The following ATP10A variants were observed in gnomAD, a reference collection of about 807,000 sequenced individuals.
ATP10A encodes ATPase phospholipid transporting 10A (putative).
ATP10A carries 111 observed loss-of-function variants against 147.8 expected under a neutral mutation model. The ratio of observed to expected loss-of-function variants is 0.75; its 90% CI spans 0.64 to 0.88. The LOEUF is 0.88. ATP10A is among the 40% of genes least tolerant of loss of function. The pLI, the probability that ATP10A is intolerant of heterozygous loss-of-function variation, is 0.00. For missense variants in ATP10A, 1,927 were observed against 1,959.0 expected (o/e 0.98, Z 0.31); for synonymous variants, 875 against 841.6 (o/e 1.04, Z -0.69).
downstream of ATP10A, among the ~76,000 whole-genome samples, chr15:25,675,870 C>T (rs931725480): frequency 3.4e-4 from 52 of 151,644 alleles, no homozygotes; most frequent in Non-Finnish European, 3.7e-4. Context: ...CCTGTGGGCC[C>T]GGGAGGTAGA....
In ATP10A at chr15:25,774,370, T is replaced by A. The variant is rs149151128; in HGVS notation, c.654+6649A>T. On this transcript the variant is annotated intron_variant, in intron 2 of 20. Transcript: ENST00000555815. ...TGAGTGGATCACCTGAGGTCCAGAG[T>A]TCAAGACCAGCCTGACCAAGACGGA... is the stretch of plus-strand genomic sequence containing the variant. 9.5e-4 allele frequency among the ~76,000 whole-genome samples: 144 copies of A among 151,968 alleles called. 1 individual carries two copies. Among genetic ancestry groups the A allele is most frequent in the African/African-American group, 3.3e-3 (136 of 41,450 alleles).
At position 25,730,544 on chromosome 15, in the gene ATP10A, C is replaced by T. The variant is rs186374173; in HGVS notation, c.741-3278G>A. Reference sequence around the variant, plus strand: ...ACTAATCTAGCATCTGCTCTGTCCCCGATGCGTCCCCTACACCCACCCACT... The same window carrying T: ...ACTAATCTAGCATCTGCTCTGTCCCTGATGCGTCCCCTACACCCACCCACT... On this transcript the variant is annotated intron_variant, in intron 3 of 20. Transcript: ENST00000555815. Among the ~76,000 whole-genome samples, 654 of 152,168 alleles carry T rather than the reference C, an allele frequency of 4.3e-3. 5 individuals are homozygous for T. The highest frequency in any genetic ancestry group is 0.02 in the Middle Eastern group (6 of 294).
intron 1 of ATP10A, among the ~76,000 whole-genome samples, chr15:25,841,320 C>T (rs1395372081): frequency 1.3e-5 from 2 of 150,522 alleles, no homozygotes; most frequent in East Asian, 1.9e-4. Context: ...GCTCCCACAC[C>T]GTTTATTGGA....
At chr15:25,817,107 G>C (rs1361226809) in intron 1 of ATP10A, among the ~76,000 whole-genome samples, 1 of 151,960 alleles carries the variant, frequency 6.6e-6, no homozygotes, top group Non-Finnish European at 1.5e-5. Flanking sequence ...TCTTGAGACA[G>C]AGTCTCGCTC....
chr15:25,726,138 C>A, intron 4 of ATP10A, 56 bp from the exon 5 acceptor site: 12 of 1,581,110 alleles, frequency 7.6e-6, no homozygotes, highest in Non-Finnish European at 9.5e-6. Flanking sequence ...AAGGGACCAG[C>A]TGCATGGATG....
chr15:25,778,786 C>T lies in ATP10A; in HGVS notation c.654+2233G>A, dbSNP rs542745731. 2.0e-5 allele frequency among the ~76,000 whole-genome samples: 3 copies of T among 152,206 alleles called. No homozygotes were observed. The South Asian group carries it at 6.2e-4, about 32-fold the overall frequency. ...AGCACCACCGAGCTATGAAGTGCTG[C>T]AGTTATTGTTTGGGTAAAAAGTGGG... On this transcript the variant is annotated intron_variant, in intron 2 of 20. Coordinates refer to ENST00000555815, the MANE Select transcript of ATP10A (RefSeq NM_024490.4).
chr15:25,754,544 C>G (rs1341317091), intron 2 of ATP10A, among the ~76,000 whole-genome samples: 3 of 152,130 alleles, frequency 2.0e-5, no homozygotes, highest in Admixed American at 2.0e-4. Context: ...CTTACACACA[C>G]ACGTAAGAGA....
chr15:25,680,977 C>T lies in ATP10A; in HGVS notation c.3573+17G>A, dbSNP rs1899376472. ...GATCCAGCTGGTAAGAAAAACTGCACCCAGGGGCCAACTTACCAGGTAAGG... is the reference window on the plus strand; with the variant it reads ...GATCCAGCTGGTAAGAAAAACTGCATCCAGGGGCCAACTTACCAGGTAAGG... On this transcript the variant is annotated intron_variant, in intron 18 of 20. Coordinates refer to ENST00000555815, the MANE Select transcript of ATP10A (RefSeq NM_024490.4). The T allele has an allele frequency of 3.7e-6, 6 of 1,613,962 alleles. No individual in the cohort carries two copies. The highest frequency in any genetic ancestry group is 5.1e-6 in the Non-Finnish European group (6 of 1,179,856).
chr15:25,827,791 T>C (rs1892179093), intron 1 of ATP10A, among the ~76,000 whole-genome samples: 2 of 152,230 alleles, frequency 1.3e-5, no homozygotes, highest in Admixed American at 1.3e-4. Flanking sequence ...ACTTAAATCC[T>C]ACCAACTCAG....
Position 25,691,972 on chromosome 15 carries a change from A to G in ATP10A, c.3089-181T>C, listed in dbSNP as rs570812456. On this transcript the variant is annotated intron_variant, in intron 14 of 20. Transcript: ENST00000555815. ...GAGAATAGAGTTAAGCATTCAGAAT[A>G]AGCTAGCGACACCAGGAGATGTTTC... Among the ~76,000 whole-genome samples, 4 of 152,284 alleles carry G rather than the reference A, an allele frequency of 2.6e-5. No individual in the cohort carries two copies. The South Asian group carries it at 8.3e-4, about 32-fold the overall frequency.
chr15:25,853,351 G>A (rs1893371781), intron 1 of ATP10A, among the ~76,000 whole-genome samples: 1 of 152,226 alleles, frequency 6.6e-6, no homozygotes, highest in Non-Finnish European at 1.5e-5. Flanking sequence ...GAAGCACCAT[G>A]TTGTGACCAG....
intron 2 of ATP10A, among the ~76,000 whole-genome samples, chr15:25,760,713 G>A (rs1888715647): frequency 6.6e-6 from 1 of 152,182 alleles, no homozygotes; most frequent in Non-Finnish European, 1.5e-5. Context: ...GGGCACGGTG[G>A]CTCATGAATG....
intron 14 of ATP10A, among the ~76,000 whole-genome samples, chr15:25,693,913 TCA>T (rs1900169107): frequency 6.6e-6 from 1 of 152,206 alleles, no homozygotes. Flanking sequence ...GCAGGGGCTG[TCA>T]CAGACCTTTT....
chr15:25,756,295 T>A (rs537697361), intron 2 of ATP10A, among the ~76,000 whole-genome samples: 1 of 152,354 alleles, frequency 6.6e-6, no homozygotes, highest in East Asian at 1.9e-4. Context: ...GTGTTCTGTG[T>A]ATGTGATATT....
At chr15:25,744,322 A>C (rs1044832780) in intron 2 of ATP10A, among the ~76,000 whole-genome samples, 5 of 152,268 alleles carry the variant, frequency 3.3e-5, no homozygotes, top group Admixed American at 6.5e-5. Flanking sequence ...AGTCTTCTTT[A>C]TATATGTGTG....
intron 1 of ATP10A, among the ~76,000 whole-genome samples, chr15:25,805,578 C>T (rs1891145556): frequency 6.6e-6 from 1 of 152,156 alleles, no homozygotes; most frequent in South Asian, 2.1e-4. Flanking sequence ...AGTCTTCAGC[C>T]AAACAAACGC....
chr15:25,713,492 C>G (rs1006350344), intron 10 of ATP10A, among the ~76,000 whole-genome samples, 182 bp downstream of exon 10: 1 of 152,186 alleles, frequency 6.6e-6, no homozygotes, highest in Non-Finnish European at 1.5e-5. Context: ...TGAATACTTC[C>G]TAGTCCAAAC....
rs1212939864 is a variant in ATP10A, at chr15:25,714,093, G to A, written c.1925C>T (p.Pro642Leu). The stretch of plus-strand genomic sequence containing the variant: ...CATGCCGTCGCTGGACGGGGTGGAC[G>A]GGAAGCTGGAGCCCAACTTGTGGCT... ...KSSHKLGSSF[P>L]STPSSDGMLL... Residue 642 changes from proline (P) to leucine (L), a missense_variant, in exon 10 of 21, where the codon CCG becomes CTG. Coordinates refer to ENST00000555815, the MANE Select transcript of ATP10A (RefSeq NM_024490.4). 24 of 1,613,302 alleles carry A rather than the reference G, an allele frequency of 1.5e-5. No individual in the cohort carries two copies. The highest frequency in any genetic ancestry group is 1.9e-5 in the Non-Finnish European group (23 of 1,180,032).
chr15:25,733,334 C>T (rs1887055297), intron 3 of ATP10A, among the ~76,000 whole-genome samples: 1 of 152,110 alleles, frequency 6.6e-6, no homozygotes, highest in East Asian at 1.9e-4. Context: ...GGGGTTAAGA[C>T]CTCCTTTCTC....
Sources: gnomAD v4.1 joint callset for allele counts (sites outside exome capture counted in the v4.1 genomes callset) on GRCh38, gnomAD v4.1.1 for gene constraint, MANE v1.5 for transcripts, NCBI Gene and HGNC (gene_info 2026-07-23, HGNC 2026-07-21) for gene names.